The following LRRC4C variants were observed in gnomAD, a reference collection of about 807,000 sequenced individuals.
LRRC4C encodes leucine rich repeat containing 4C.
Under a neutral mutation model 33.6 loss-of-function variants are expected in LRRC4C, and 5 were observed. The ratio of observed to expected loss-of-function variants is 0.15; its 90% CI spans 0.08 to 0.31. The LOEUF is 0.31. Among genes scored for constraint, LRRC4C ranks in the 10% least tolerant of loss-of-function variants. LRRC4C has a pLI of 1.00. For missense variants in LRRC4C, 560 were observed against 796.7 expected (o/e 0.70, Z 3.58); for synonymous variants, 329 against 302.0 (o/e 1.09, Z -0.93).
At chr11:40,214,629 C>T (rs1863843742) in intron 5 of LRRC4C, among the ~76,000 whole-genome samples, 1 of 152,096 alleles carries the variant, frequency 6.6e-6, no homozygotes, top group Admixed American at 6.6e-5. Flanking sequence ...TCACTCTCTC[C>T]CTGCTGTGTA....
intron 2 of LRRC4C, among the ~76,000 whole-genome samples, chr11:40,729,126 C>G (rs1947434896): frequency 6.6e-6 from 1 of 151,922 alleles, no homozygotes; most frequent in African/African-American, 2.4e-5. Flanking sequence ...ACCCCCATAT[C>G]TAAAATAAAA....
intron 3 of LRRC4C, among the ~76,000 whole-genome samples, chr11:40,641,119 A>G (rs1443208606): frequency 1.3e-5 from 2 of 151,806 alleles, no homozygotes; most frequent in Non-Finnish European, 2.9e-5. Context: ...ACTATTGTTT[A>G]TATTGAGTAC....
chr11:41,192,250 GA>G, intron 1 of LRRC4C, among the ~76,000 whole-genome samples: 1 of 152,134 alleles, frequency 6.6e-6, no homozygotes, highest in South Asian at 2.1e-4. Flanking sequence ...TAAGCCCCAG[GA>G]GAGCACATAC....
At chr11:40,589,904 C>T (rs1958955403) in intron 3 of LRRC4C, among the ~76,000 whole-genome samples, 1 of 148,628 alleles carries the variant, frequency 6.7e-6, no homozygotes, top group Non-Finnish European at 1.5e-5. Context: ...TCTGGCTGCC[C>T]TTAACATTTT....
At chr11:40,627,445 T>G (rs1161563976) in intron 3 of LRRC4C, among the ~76,000 whole-genome samples, 1 of 152,204 alleles carries the variant, frequency 6.6e-6, no homozygotes, top group African/African-American at 2.4e-5. Flanking sequence ...GTGTCTGACT[T>G]TGGAAGAAAG....
At chr11:41,223,768 C>T (rs1472390298) in intron 1 of LRRC4C, among the ~76,000 whole-genome samples, 1 of 152,178 alleles carries the variant, frequency 6.6e-6, no homozygotes, top group Non-Finnish European at 1.5e-5. Context: ...AGACATGAAC[C>T]CATTGACTCT....
intron 3 of LRRC4C, among the ~76,000 whole-genome samples, chr11:40,560,148 G>C (rs778610638): frequency 6.6e-6 from 1 of 152,046 alleles, no homozygotes; most frequent in Admixed American, 6.6e-5. Context: ...TATTCTCATC[G>C]TTTAGGTGTC....
chr11:41,185,314 A>T (rs1945644290), intron 1 of LRRC4C, among the ~76,000 whole-genome samples: 1 of 152,168 alleles, frequency 6.6e-6, no homozygotes, highest in Non-Finnish European at 1.5e-5. Context: ...GAAGTAAAGT[A>T]GATCAGGGTA....
At chr11:40,141,590 C>G (rs1175379923) in intron 5 of LRRC4C, among the ~76,000 whole-genome samples, 1 of 152,160 alleles carries the variant, frequency 6.6e-6, no homozygotes, top group African/African-American at 2.4e-5. Context: ...CCCAGAGGAA[C>G]TGCAGATAGA....
chr11:41,074,947 A>G (rs1399080850), intron 1 of LRRC4C, among the ~76,000 whole-genome samples: 1 of 151,612 alleles, frequency 6.6e-6, no homozygotes, highest in East Asian at 1.9e-4. Flanking sequence ...CTCGTCTTAA[A>G]GGAAGGAGTT....
intron 3 of LRRC4C, among the ~76,000 whole-genome samples, chr11:40,352,099 TTTCCTTTCTTTCTTCC>T (rs1292867732): frequency 3.4e-5 from 5 of 145,352 alleles, no homozygotes; most frequent in African/African-American, 1.3e-4. Flanking sequence ...TCCTTCCTTT[TTTCCTTTCTTTCTTCC>T]TTCCTTCCTT....
At chr11:40,973,949 C>G (rs1301271869) in intron 1 of LRRC4C, among the ~76,000 whole-genome samples, 4 of 151,918 alleles carry the variant, frequency 2.6e-5, no homozygotes, top group Non-Finnish European at 4.4e-5. Flanking sequence ...TTGGTGGTCT[C>G]TAAGTCACTA....
At chr11:40,686,081 C>T (rs1462785712) in intron 2 of LRRC4C, among the ~76,000 whole-genome samples, 2 of 151,974 alleles carry the variant, frequency 1.3e-5, no homozygotes, top group Non-Finnish European at 2.9e-5. Context: ...CTACAATAAC[C>T]TTGCAGAAAG....
At chr11:41,154,963 G>T (rs1944162132) in intron 1 of LRRC4C, among the ~76,000 whole-genome samples, 1 of 152,138 alleles carries the variant, frequency 6.6e-6, no homozygotes, top group Admixed American at 6.6e-5. Context: ...GAGATATGTG[G>T]ATTTGCAGCT....
chr11:41,057,303 G>A (rs11036207), intron 1 of LRRC4C, among the ~76,000 whole-genome samples: 2 of 152,094 alleles, frequency 1.3e-5, no homozygotes, highest in Admixed American at 6.5e-5. Context: ...GTCCCTTGCC[G>A]CCTAAGACCC....
chr11:40,723,834 GACTCAA>G (rs1947152898), intron 2 of LRRC4C, among the ~76,000 whole-genome samples: 1 of 152,032 alleles, frequency 6.6e-6, no homozygotes, highest in South Asian at 2.1e-4. Flanking sequence ...TAAAAAACAG[GACTCAA>G]CCTTCTGCTG....
intron 5 of LRRC4C, among the ~76,000 whole-genome samples, chr11:40,178,427 C>T (rs1860699363): frequency 6.6e-6 from 1 of 152,174 alleles, no homozygotes; most frequent in Non-Finnish European, 1.5e-5. Context: ...AGTGAAACTG[C>T]AGCTGCTGGG....
intron 2 of LRRC4C, among the ~76,000 whole-genome samples, chr11:40,890,343 C>A (rs1669410926): frequency 6.6e-6 from 1 of 152,074 alleles, no homozygotes; most frequent in South Asian, 2.1e-4. Flanking sequence ...AGACAGAGAG[C>A]ACTAAAGAGA....
intron 2 of LRRC4C, among the ~76,000 whole-genome samples, chr11:40,901,604 C>A (rs1956203234): frequency 6.6e-6 from 1 of 151,888 alleles, no homozygotes; most frequent in South Asian, 2.1e-4. Context: ...CTTATTAAAT[C>A]CTCAAAGTAA....
Sources: gnomAD v4.1 joint callset for allele counts (sites outside exome capture counted in the v4.1 genomes callset) on GRCh38, gnomAD v4.1.1 for gene constraint, MANE v1.5 for transcripts, NCBI Gene and HGNC (gene_info 2026-07-23, HGNC 2026-07-21) for gene names.